TACC1: variants seen among roughly 807,000 people sequenced by gnomAD.
TACC1 encodes transforming acidic coiled-coil-containing protein 1.
In TACC1, 48 loss-of-function variants were observed where a neutral mutation model predicts 84.4. That is an observed-to-expected ratio of 0.57 (90% CI 0.45 to 0.72). The LOEUF (loss-of-function observed/expected upper bound fraction) is 0.72, where lower values mean the gene tolerates loss of function less well. Ranked by LOEUF, TACC1 falls within the 30% of genes least tolerant of loss-of-function variation. TACC1 has a pLI of 0.00. For synonymous variants in TACC1, 372 were observed against 376.3 expected, an observed-to-expected ratio of 0.99 and a Z score of 0.13; for missense variants, 920 against 973.0, an observed-to-expected ratio of 0.95 and a Z score of 0.72.
chr8:38,843,759 T>A (rs2152328210), intron 11 of TACC1, among the ~76,000 whole-genome samples: 1 of 152,378 alleles, frequency 6.6e-6, no homozygotes, highest in East Asian at 1.9e-4. Flanking sequence ...TCCTCTTTTT[T>A]TTCTAATAGC....
chr8:38,755,707 AAACAACAACAACAACAACAAC>A (rs71216684), intron 3 of TACC1, among the ~76,000 whole-genome samples: 1 of 140,926 alleles, frequency 7.1e-6, no homozygotes, highest in East Asian at 2.0e-4. Context: ...CGGTCTTTCA[AAACAACAACAACAACAACAAC>A]AACAACAACA....
At chr8:38,792,216 G>T (rs779158431) in intron 2 of TACC1, among the ~76,000 whole-genome samples, 1 of 152,206 alleles carries the variant, frequency 6.6e-6, no homozygotes, top group Non-Finnish European at 1.5e-5. Flanking sequence ...TGTTGTGGTG[G>T]TCTTTCTCTT....
chr8:38,742,979 T>C, intron 2 of TACC1, among the ~76,000 whole-genome samples: 1 of 152,228 alleles, frequency 6.6e-6, no homozygotes, highest in East Asian at 1.9e-4. Flanking sequence ...CCTCCCAAAG[T>C]GCTGGGATTA....
At chr8:38,769,435 G>T (rs1256720032) in intron 3 of TACC1, among the ~76,000 whole-genome samples, 1 of 144,852 alleles carries the variant, frequency 6.9e-6, no homozygotes, top group Non-Finnish European at 1.5e-5. Flanking sequence ...AGGTGGGGGG[G>T]TGTGGTGTGT....
At chr8:38,799,541 A>G (rs1161285771) in intron 2 of TACC1, 1 of 152,220 alleles carries the variant, frequency 6.6e-6, no homozygotes, top group East Asian at 1.9e-4. Context: ...GAGGGAAGAA[A>G]TTCCCCCGCA....
At chr8:38,742,318 A>C (rs942820347) in intron 1 of TACC1, 1 of 963,690 alleles carries the variant, frequency 1.0e-6, no homozygotes, top group African/African-American at 1.7e-5. Flanking sequence ...ATGATTAAGC[A>C]TGTGACTCCC....
At chr8:38,736,942 A>G (rs1806080232) in intron 1 of TACC1, among the ~76,000 whole-genome samples, 2 of 152,178 alleles carry the variant, frequency 1.3e-5, no homozygotes, top group South Asian at 2.1e-4. Context: ...CTCAGAGAAG[A>G]CAACATAGTG....
chr8:38,764,468 A>T (rs2151836916), intron 3 of TACC1, among the ~76,000 whole-genome samples: 1 of 149,956 alleles, frequency 6.7e-6, no homozygotes, highest in Admixed American at 6.6e-5. Context: ...TAATTTTTTA[A>T]TTCATTAGTA....
chr8:38,817,685 A>G (rs1162442923), intron 2 of TACC1, among the ~76,000 whole-genome samples: 1 of 152,142 alleles, frequency 6.6e-6, no homozygotes, highest in East Asian at 1.9e-4. Flanking sequence ...TTTTAATTGG[A>G]CATTTGTAGA....
chr8:38,783,574 A>G (rs1417550290), upstream of TACC1, among the ~76,000 whole-genome samples: 3 of 151,934 alleles, frequency 2.0e-5, no homozygotes, highest in Non-Finnish European at 4.4e-5. Context: ...GGCGCCTGCC[A>G]CCACACCTGG....
At chr8:38,821,103 G>T (rs1826692518) in intron 3 of TACC1, among the ~76,000 whole-genome samples, 1 of 151,936 alleles carries the variant, frequency 6.6e-6, no homozygotes, top group African/African-American at 2.4e-5. Flanking sequence ...CACCCGGGAG[G>T]CTGAGACATG....
upstream of TACC1, among the ~76,000 whole-genome samples, chr8:38,785,148 A>G (rs1242483746): frequency 2.0e-5 from 3 of 151,928 alleles, no homozygotes; most frequent in Non-Finnish European, 2.9e-5. Context: ...GGGGTGGGGG[A>G]GGAGGTGTGT....
At chr8:38,728,687 C>CT (rs1176495278) in intron 1 of TACC1, 1 of 152,318 alleles carries the variant, frequency 6.6e-6, no homozygotes, top group Non-Finnish European at 1.5e-5. Context: ...AAACGGGGGA[C>CT]TGCACGTTCC....
chr8:38,823,682 TGTC>T (rs1036401025), intron 3 of TACC1, among the ~76,000 whole-genome samples: 4 of 152,224 alleles, frequency 2.6e-5, no homozygotes, highest in Non-Finnish European at 4.4e-5. Flanking sequence ...TCAAAAATCT[TGTC>T]GTCTTGTTCT....
intron 6 of TACC1, among the ~76,000 whole-genome samples, chr8:38,833,244 C>T (rs1413946189): frequency 1.3e-5 from 2 of 152,158 alleles, no homozygotes; most frequent in African/African-American, 2.4e-5. Flanking sequence ...TAGTGATAAG[C>T]GGAAAAGAGG....
chr8:38,806,475 T>TGA (rs1048536136), intron 2 of TACC1, among the ~76,000 whole-genome samples: 216 of 151,488 alleles, frequency 1.4e-3, no homozygotes, highest in Non-Finnish European at 2.1e-3. Flanking sequence ...TGTGTGTGTG[T>TGA]GAGAGAGAGA....
intron 2 of TACC1, among the ~76,000 whole-genome samples, chr8:38,794,851 C>T (rs966065457): frequency 6.6e-6 from 1 of 152,118 alleles, no homozygotes; most frequent in Non-Finnish European, 1.5e-5. Flanking sequence ...TCCAGCAGTC[C>T]AACCCATGTG....
chr8:38,821,487 A>G (rs185843111), intron 3 of TACC1, among the ~76,000 whole-genome samples: 2 of 152,342 alleles, frequency 1.3e-5, no homozygotes, highest in East Asian at 3.9e-4. Context: ...AATTGATGAG[A>G]ATTCTTGTCT....
rs1235972396 is a variant in TACC1 at position 38,851,909 on chromosome 8, G to A, written c.*3886G>A. ...AAATACTTTAATAAAGAAGTATTTC[G>A]AGGAGATATCTGTCCAAAAAGGTTT... On this transcript the variant is annotated 3_prime_UTR_variant, in exon 13 of 13. Transcript: ENST00000317827. 5 of 455,130 alleles carry A rather than the reference G, an allele frequency of 1.1e-5. No homozygotes were observed. Among genetic ancestry groups the A allele is most frequent in the East Asian group, 6.9e-5 (1 of 14,416 alleles). 28.2% of individuals were successfully genotyped at this position (455,130 alleles called of 1,614,324 possible). A position where few individuals can be genotyped will look rare whatever the true frequency, so the allele number is the denominator to read the frequency against.
Sources: gnomAD v4.1 joint callset for allele counts (sites outside exome capture counted in the v4.1 genomes callset) on GRCh38, gnomAD v4.1.1 for gene constraint, MANE v1.5 for transcripts, NCBI Gene and HGNC (gene_info 2026-07-23, HGNC 2026-07-21) for gene names.